NTM: variants seen among roughly 807,000 people sequenced by gnomAD.
NTM encodes neurotrimin.
In NTM, 13 loss-of-function variants were observed where a neutral mutation model predicts 42.1. That is an observed-to-expected ratio of 0.31 (90% CI 0.20 to 0.49). NTM has a LOEUF of 0.49. Ranked by LOEUF, NTM falls within the 20% of genes least tolerant of loss-of-function variation. The pLI is 0.99. For missense variants in NTM, 373 were observed against 452.8 expected (o/e 0.82, Z 1.60); for synonymous variants, 187 against 179.2 (o/e 1.04, Z -0.35).
chr11:131,385,302 C>A (rs957634407), intron 1 of NTM: 1 of 152,154 alleles, frequency 6.6e-6, no homozygotes, highest in African/African-American at 2.4e-5. Context: ...ATGGAAGAGG[C>A]CCTCTAGTCC....
chr11:131,584,152 A>G (rs1592123339), intron 1 of NTM, among the ~76,000 whole-genome samples: 1 of 152,210 alleles, frequency 6.6e-6, no homozygotes, highest in African/African-American at 2.4e-5. Context: ...CTTTGCTGAC[A>G]CCAGCCATGA....
At chr11:131,833,130 T>A (rs1527781) in intron 1 of NTM, among the ~76,000 whole-genome samples, 4 of 152,034 alleles carry the variant, frequency 2.6e-5, no homozygotes, top group African/African-American at 9.7e-5. Context: ...TGTATCGTTC[T>A]GACCACATAT....
rs183633855 is a variant in NTM, at chr11:131,726,960, A to C, written c.83-184604A>C. 1.3e-5 allele frequency among the ~76,000 whole-genome samples: 2 copies of C among 151,400 alleles called. 1 individual carries two copies. The highest frequency in any genetic ancestry group is 1.3e-4 in the Admixed American group (2 of 15,280). On this transcript the variant is annotated intron_variant, in intron 1 of 8. Transcript: ENST00000683400. Reference sequence around the variant, plus strand: ...CTCCTTGGCCTCCCAAAGCACTGGGATTACAGGCGCAAGCCACAGCACCCA... The same window carrying C: ...CTCCTTGGCCTCCCAAAGCACTGGGCTTACAGGCGCAAGCCACAGCACCCA...
intron 4 of NTM, among the ~76,000 whole-genome samples, chr11:132,298,088 G>A (rs2094692315): frequency 6.6e-6 from 1 of 152,100 alleles, no homozygotes; most frequent in Non-Finnish European, 1.5e-5. Context: ...CCCTTTAGGA[G>A]CCTCTTAAGT....
intron 2 of NTM, among the ~76,000 whole-genome samples, chr11:132,053,918 C>G (rs1176562419): frequency 1.3e-5 from 2 of 152,166 alleles, no homozygotes; most frequent in Non-Finnish European, 2.9e-5. Flanking sequence ...ATGTAGTGGT[C>G]ACCCAATAAA....
intron 1 of NTM, among the ~76,000 whole-genome samples, chr11:131,602,076 G>A (rs2060534714): frequency 6.6e-6 from 1 of 152,112 alleles, no homozygotes; most frequent in Admixed American, 6.5e-5. Context: ...TTATTTTTTA[G>A]GCCAGTTTAT....
chr11:131,748,727 G>A (rs1195245444), intron 1 of NTM, among the ~76,000 whole-genome samples: 2 of 152,130 alleles, frequency 1.3e-5, no homozygotes, highest in African/African-American at 4.8e-5. Flanking sequence ...TATTTAATCC[G>A]ATGTGCTTTT....
intron 1 of NTM, among the ~76,000 whole-genome samples, chr11:131,838,288 G>A (rs2043778667): frequency 6.6e-6 from 1 of 152,112 alleles, no homozygotes; most frequent in Non-Finnish European, 1.5e-5. Context: ...CAACGATCCT[G>A]AAGGACCAGC....
intron 1 of NTM, among the ~76,000 whole-genome samples, chr11:131,902,552 G>C (rs992941879): frequency 6.6e-6 from 1 of 152,162 alleles, no homozygotes; most frequent in African/African-American, 2.4e-5. Flanking sequence ...TTGATGCATT[G>C]GTTTAAAGTT....
chr11:131,584,742 G>GCC (rs2058708941), intron 1 of NTM, among the ~76,000 whole-genome samples: 1 of 152,242 alleles, frequency 6.6e-6, no homozygotes, highest in Admixed American at 6.5e-5. Flanking sequence ...CCTGGACGGA[G>GCC]CCATTTCACT....
At chr11:131,992,656 A>G (rs1452565718) in intron 2 of NTM, among the ~76,000 whole-genome samples, 2 of 152,172 alleles carry the variant, frequency 1.3e-5, no homozygotes, top group African/African-American at 4.8e-5. Flanking sequence ...AAGAGCATCT[A>G]AGATTAAATC....
chr11:131,373,654 C>G (rs1019110786), intron 1 of NTM, among the ~76,000 whole-genome samples: 1 of 152,196 alleles, frequency 6.6e-6, no homozygotes, highest in Non-Finnish European at 1.5e-5. Flanking sequence ...GAACACCCAC[C>G]GCCCACCTTC....
intron 1 of NTM, among the ~76,000 whole-genome samples, chr11:131,628,622 C>T (rs2063352381): frequency 6.6e-6 from 1 of 152,192 alleles, no homozygotes; most frequent in African/African-American, 2.4e-5. Context: ...CTCATCCTCA[C>T]TCCCAGTACT....
rs145003478 is a variant in NTM at position 131,812,183 on chromosome 11, C to CCTCTCTCTCTCTCTCTCT, written c.83-99360_83-99343dup. On this transcript the variant is annotated intron_variant, in intron 1 of 8. Transcript: ENST00000683400. Reference sequence around the variant, plus strand: ...CTTTGTCAGAAAGATAATTAGTCAGCCTCTCTCTCTCTCTCTCTCTCTCTC... The same window carrying CCTCTCTCTCTCTCTCTCT: ...CTTTGTCAGAAAGATAATTAGTCAGCCTCTCTCTCTCTCTCTCTCTCTCTCTCTCTCTCTCTCTCTCTC... Among the ~76,000 whole-genome samples the CCTCTCTCTCTCTCTCTCT allele has an allele frequency of 2.0e-3, 291 of 142,974 alleles. 6 individuals are homozygous for CCTCTCTCTCTCTCTCTCT. Among genetic ancestry groups the CCTCTCTCTCTCTCTCTCT allele is most frequent in the African/African-American group, 7.8e-3 (282 of 36,254 alleles). The allele number at this position is 142,974 out of a possible 152,430, so 93.8% of individuals were successfully genotyped here.
At chr11:132,306,735 C>T (rs1248748822) in intron 4 of NTM, among the ~76,000 whole-genome samples, 1 of 152,092 alleles carries the variant, frequency 6.6e-6, no homozygotes, top group African/African-American at 2.4e-5. Context: ...TCTAATTACC[C>T]TCATTTAAGA....
At chr11:131,884,108 G>A (rs1371233659) in intron 1 of NTM, among the ~76,000 whole-genome samples, 2 of 152,126 alleles carry the variant, frequency 1.3e-5, no homozygotes, top group Admixed American at 1.3e-4. Context: ...CCATGTTATG[G>A]ATAAAAACAC....
Position 131,401,836 on chromosome 11 carries a change from A to G in NTM, c.82+30948A>G, listed in dbSNP as rs1257186941. On this transcript the variant is annotated intron_variant, in intron 1 of 8. Coordinates refer to ENST00000683400, the MANE Select transcript of NTM (RefSeq NM_001352005.2). ...TATATATATATATATATATATATAT[A>G]TATATATATATATATATATATATAT... 5.4e-3 allele frequency among the ~76,000 whole-genome samples: 471 copies of G among 86,998 alleles called. 24 individuals carry two copies. The highest frequency in any genetic ancestry group is 6.7e-3 in the South Asian group (17 of 2,542). 57.1% of individuals were successfully genotyped at this position (86,998 alleles called of 152,430 possible).
At chr11:132,301,791 G>A (rs1354420125) in intron 4 of NTM, among the ~76,000 whole-genome samples, 5 of 152,120 alleles carry the variant, frequency 3.3e-5, no homozygotes, top group African/African-American at 1.2e-4. Flanking sequence ...CTCCAATTCT[G>A]GGATTCTATG....
intron 1 of NTM, among the ~76,000 whole-genome samples, chr11:131,782,265 T>C (rs1462581298): frequency 2.6e-5 from 4 of 152,098 alleles, no homozygotes; most frequent in Non-Finnish European, 5.9e-5. Flanking sequence ...ATAAAAACTG[T>C]AGGTCAACAA....
Sources: gnomAD v4.1 joint callset for allele counts (sites outside exome capture counted in the v4.1 genomes callset) on GRCh38, gnomAD v4.1.1 for gene constraint, MANE v1.5 for transcripts, NCBI Gene and HGNC (gene_info 2026-07-23, HGNC 2026-07-21) for gene names.